The following SEC13 variants were observed in gnomAD, a reference collection of about 807,000 sequenced individuals.
SEC13 encodes SEC13 homolog, nuclear pore and COPII component, also known as protein SEC13 homolog.
Under a neutral mutation model 49.2 loss-of-function variants are expected in SEC13, and 25 were observed. That is an observed-to-expected ratio of 0.51 (90% confidence interval 0.37 to 0.71). The LOEUF (loss-of-function observed/expected upper bound fraction) is 0.71, where lower values mean the gene tolerates loss of function less well. Ranked by LOEUF, SEC13 falls within the 30% of genes least tolerant of loss-of-function variation. The probability of loss-of-function intolerance (pLI) is 0.00; values close to 1 mark genes in which losing one functional copy is unlikely to be tolerated. For missense variants in SEC13, 383 were observed against 417.6 expected, an observed-to-expected ratio of 0.92 and a Z score of 0.72; for synonymous variants, 148 against 163.9, an observed-to-expected ratio of 0.90 and a Z score of 0.74.
At chr3:10,312,886 A>G in intron 3 of SEC13, 156 bp from the exon 4 acceptor site, 1 of 682,356 alleles carries the variant, frequency 1.5e-6, no homozygotes, top group Non-Finnish European at 2.4e-6. Context: ...AGGGGTGCTC[A>G]GTGGACAGTG....
chr3:10,305,323 C>T, intron 6 of SEC13, 167 bp from the exon 7 acceptor site: 2 of 1,185,284 alleles, frequency 1.7e-6, no homozygotes, highest in Non-Finnish European at 2.3e-6. Flanking sequence ...AAAAAAAACC[C>T]TCCAGAAAAT....
intron 3 of SEC13, chr3:10,315,045 G>C (rs1323810204): frequency 1.2e-5 from 4 of 342,318 alleles, no homozygotes; most frequent in Admixed American, 4.5e-5. Flanking sequence ...GGCTCTGAGA[G>C]AGAAACTGAG....
chr3:10,312,607 GCTC>G lies in SEC13; in HGVS notation c.285_287del (p.Lys95_Ser96delinsAsn), dbSNP rs909766463. 1 of 1,614,056 alleles carries G rather than the reference GCTC, an allele frequency of 6.2e-7. No individual in the cohort carries two copies. The highest frequency in any genetic ancestry group is 1.3e-5 in the African/African-American group (1 of 74,906). ...AGGAGTCGTGTCCCGCATGCTCGTGGCTCTTCTCCCAGGTGCCGTTTTCCTCTC... is the reference window on the plus strand; with the variant it reads ...AGGAGTCGTGTCCCGCATGCTCGTGGTTCTCCCAGGTGCCGTTTTCCTCTC... On this transcript the variant is annotated inframe_deletion, in exon 4 of 9. Coordinates refer to ENST00000350697, the MANE Select transcript of SEC13 (RefSeq NM_183352.3).
chr3:10,307,112 G>A (rs973802252), intron 5 of SEC13, among the ~76,000 whole-genome samples: 3 of 151,806 alleles, frequency 2.0e-5, no homozygotes, highest in Non-Finnish European at 2.9e-5. Context: ...AGTGCAGGCT[G>A]GTAAGATCAT....
At chr3:10,311,735 C>A (rs1701269274) in intron 5 of SEC13, 1 of 1,389,968 alleles carries the variant, frequency 7.2e-7, no homozygotes, top group African/African-American at 1.4e-5. Flanking sequence ...GCTGCACCAG[C>A]CCTCCCCTGC....
At chr3:10,315,197 C>G (rs1701524127) in intron 3 of SEC13, 124 bp downstream of exon 3, 1 of 694,124 alleles carries the variant, frequency 1.4e-6, no homozygotes, top group Non-Finnish European at 2.5e-6. Context: ...CCAGCGTCCT[C>G]TCCGCTAAAT....
intron 5 of SEC13, among the ~76,000 whole-genome samples, chr3:10,306,257 T>C (rs1700870029): frequency 6.6e-6 from 1 of 152,222 alleles, no homozygotes; most frequent in Admixed American, 6.5e-5. Flanking sequence ...TTACAATTTT[T>C]CTGCTGAAGA....
rs569832500 is a variant in SEC13 at position 10,312,215 on chromosome 3, G to A, written c.317-117C>T. The stretch of plus-strand genomic sequence containing the variant: ...ACAACAAACAACTGTAGGAGTCACC[G>A]GGGGAAGCTGTAACTTGGTCAACTG... On this transcript the variant is annotated intron_variant, in intron 4 of 8. Transcript: ENST00000350697. 4.8e-5 allele frequency: 69 copies of A among 1,439,484 alleles called. No individual in the cohort carries two copies. In the East Asian group the frequency reaches 7.2e-4, roughly 15 times the overall value. The allele number at this position is 1,439,484 out of a possible 1,614,324, so 89.2% of individuals were successfully genotyped here.
At chr3:10,315,144 T>A (rs892731052) in intron 3 of SEC13, 177 bp downstream of exon 3, 1 of 584,552 alleles carries the variant, frequency 1.7e-6, no homozygotes, top group African/African-American at 1.9e-5. Flanking sequence ...AACAGCATCA[T>A]CCCTGGGGAC....
At chr3:10,310,816 C>T (rs1255213586) in intron 5 of SEC13, among the ~76,000 whole-genome samples, 1 of 152,112 alleles carries the variant, frequency 6.6e-6, no homozygotes, top group Admixed American at 6.5e-5. Flanking sequence ...CGAGAACATC[C>T]ATCATCTGAT....
At chr3:10,305,469 C>T (rs1417912508) in intron 6 of SEC13, 90 bp downstream of exon 6, 2 of 1,489,848 alleles carry the variant, frequency 1.3e-6, no homozygotes, top group Middle Eastern at 2.5e-4. Flanking sequence ...GAAAGGTGAC[C>T]TTGTTTCTTG....
intron 3 of SEC13, 36 bp from the exon 4 acceptor site, chr3:10,312,766 T>A (rs776961009): frequency 1.2e-6 from 2 of 1,611,942 alleles, no homozygotes; most frequent in African/African-American, 2.7e-5. Context: ...GAACCCACAG[T>A]GCCTCTGCAG....
intron 5 of SEC13, among the ~76,000 whole-genome samples, chr3:10,309,177 A>T (rs532630788): frequency 1.5e-4 from 23 of 152,028 alleles, no homozygotes; most frequent in African/African-American, 5.5e-4. Context: ...ACTTCAGGTG[A>T]TCCGCCCACC....
At chr3:10,310,134 C>G (rs1234338675) in intron 5 of SEC13, among the ~76,000 whole-genome samples, 3 of 152,284 alleles carry the variant, frequency 2.0e-5, no homozygotes, top group Non-Finnish European at 2.9e-5. Context: ...CCCTCCTGGT[C>G]ATTTCTCCAA....
intron 8 of SEC13, 23 bp downstream of exon 8, chr3:10,304,003 T>C (rs1235431956): frequency 6.2e-7 from 1 of 1,613,266 alleles, no homozygotes; most frequent in Non-Finnish European, 8.5e-7. Flanking sequence ...GTGTCCACCA[T>C]GCCACGGGGA....
chr3:10,302,032 A>G (rs1289878513), intron 8 of SEC13, among the ~76,000 whole-genome samples: 4 of 152,144 alleles, frequency 2.6e-5, no homozygotes, highest in Non-Finnish European at 1.5e-5. Context: ...ACCTGAGGCC[A>G]GGAGTTCGCG....
intron 5 of SEC13, 77 bp downstream of exon 5, chr3:10,311,888 C>T (rs1488108022): frequency 6.2e-7 from 1 of 1,613,126 alleles, no homozygotes; most frequent in Admixed American, 1.7e-5. Flanking sequence ...CCTCCCGTGC[C>T]ACCCTCTAGG....
chr3:10,315,883 G>A (rs1487555297), intron 2 of SEC13, among the ~76,000 whole-genome samples: 1 of 152,216 alleles, frequency 6.6e-6, no homozygotes, highest in African/African-American at 2.4e-5. Flanking sequence ...GTGGGCCTCT[G>A]ACTGCCTGGA....
intron 4 of SEC13, 26 bp from the exon 5 acceptor site, chr3:10,312,124 A>G (rs1288969530): frequency 3.2e-6 from 5 of 1,571,000 alleles, no homozygotes; most frequent in African/African-American, 1.4e-5. Context: ...GAGTGCAGTG[A>G]GCAAAGCAGG....
Sources: allele counts gnomAD v4.1 joint callset (sites outside exome capture counted in the v4.1 genomes callset), GRCh38; gene constraint gnomAD v4.1.1; transcripts MANE v1.5; gene names NCBI Gene and HGNC (gene_info 2026-07-23, HGNC 2026-07-21).